The following GNA12 variants were observed in gnomAD, a reference collection of about 807,000 sequenced individuals.
The protein encoded by GNA12 is guanine nucleotide-binding protein subunit alpha-12.
A neutral mutation model predicts 26.0 loss-of-function variants in GNA12; 9 were observed. The observed-to-expected ratio is 0.35, with a 90% CI of 0.21 to 0.60. GNA12 has a LOEUF of 0.60. Among genes scored for constraint, GNA12 ranks in the 20% least tolerant of loss-of-function variants. The probability of loss-of-function intolerance (pLI) is 0.78; values close to 1 mark genes in which losing one functional copy is unlikely to be tolerated. For synonymous variants in GNA12, 264 were observed against 219.6 expected, an observed-to-expected ratio of 1.20 and a Z score of -1.79; for missense variants, 405 against 525.8, an observed-to-expected ratio of 0.77 and a Z score of 2.25.
At chr7:2,839,211 C>T (rs1778920735) in intron 1 of GNA12, among the ~76,000 whole-genome samples, 1 of 151,958 alleles carries the variant, frequency 6.6e-6, no homozygotes, top group African/African-American at 2.4e-5. Flanking sequence ...AACCAGAAAT[C>T]AACAAAAGAG....
intron 1 of GNA12, among the ~76,000 whole-genome samples, chr7:2,796,736 G>T (rs76247096): frequency 0.013 from 1,921 of 152,192 alleles, 44 homozygotes; most frequent in African/African-American, 0.043. Context: ...AGTTAATGTT[G>T]TTCTGCCCCT....
At chr7:2,838,707 G>A (rs1284894345) in intron 1 of GNA12, among the ~76,000 whole-genome samples, 3 of 151,922 alleles carry the variant, frequency 2.0e-5, no homozygotes. Context: ...AAAGAATGGA[G>A]AAATATATAT....
chr7:2,792,506 G>A (rs1273460483), intron 2 of GNA12, among the ~76,000 whole-genome samples: 2 of 152,168 alleles, frequency 1.3e-5, no homozygotes, highest in East Asian at 1.9e-4. Context: ...CACTCAGTAC[G>A]ATCAGCCCCA....
chr7:2,835,982 CA>C, intron 1 of GNA12: 1 of 457,156 alleles, frequency 2.2e-6, no homozygotes, highest in African/African-American at 2.0e-5. Context: ...CAGTTGTATG[CA>C]AAATTTGGGA....
chr7:2,819,828 G>A (rs996573652), intron 1 of GNA12, among the ~76,000 whole-genome samples: 8 of 152,128 alleles, frequency 5.3e-5, no homozygotes, highest in African/African-American at 1.9e-4. Flanking sequence ...CGGGTAGCTC[G>A]TCAAAATGTT....
At chr7:2,835,143 A>C (rs1160957909) in intron 1 of GNA12, among the ~76,000 whole-genome samples, 1 of 152,214 alleles carries the variant, frequency 6.6e-6, no homozygotes, top group Non-Finnish European at 1.5e-5. Flanking sequence ...GAAATTTAGT[A>C]ATGAAAACGC....
intron 2 of GNA12, among the ~76,000 whole-genome samples, chr7:2,744,007 A>G (rs1386633596): frequency 6.6e-6 from 1 of 152,172 alleles, no homozygotes; most frequent in Non-Finnish European, 1.5e-5. Context: ...TGATTAGGTA[A>G]ACAAAGCAGC....
intron 2 of GNA12, among the ~76,000 whole-genome samples, chr7:2,772,645 C>CCA (rs1791977932): frequency 6.6e-6 from 1 of 151,990 alleles, no homozygotes; most frequent in African/African-American, 2.4e-5. Context: ...CAATTGATAC[C>CCA]CACCAGGAGG....
chr7:2,783,061 C>T (rs111478895), intron 2 of GNA12, among the ~76,000 whole-genome samples: 151 of 152,276 alleles, frequency 9.9e-4, no homozygotes, highest in African/African-American at 3.4e-3. Context: ...AGACCGGTGT[C>T]GGAGTCCAAT....
intron 2 of GNA12, among the ~76,000 whole-genome samples, chr7:2,764,066 G>A (rs1258868392): frequency 6.6e-6 from 1 of 151,996 alleles, no homozygotes; most frequent in Non-Finnish European, 1.5e-5. Flanking sequence ...GATTGGTTGA[G>A]TATTTTTTAT....
intron 1 of GNA12, among the ~76,000 whole-genome samples, chr7:2,833,826 C>T (rs756148418): frequency 4.6e-5 from 7 of 152,164 alleles, no homozygotes; most frequent in Non-Finnish European, 1.0e-4. Context: ...CACTTCTGAA[C>T]TCCCAAGACA....
At chr7:2,762,712 A>G in intron 2 of GNA12, 1 of 1,564,642 alleles carries the variant, frequency 6.4e-7, no homozygotes, top group Non-Finnish European at 8.6e-7. Flanking sequence ...GGAGCGCCAG[A>G]GGGAAGCAGG....
intron 2 of GNA12, among the ~76,000 whole-genome samples, chr7:2,734,135 G>A (rs981704589): frequency 6.6e-6 from 1 of 152,132 alleles, no homozygotes; most frequent in African/African-American, 2.4e-5. Context: ...AATCTGAGAC[G>A]TGTTCCATAG....
intron 2 of GNA12, among the ~76,000 whole-genome samples, chr7:2,740,720 A>C (rs1790455957): frequency 6.6e-6 from 1 of 152,202 alleles, no homozygotes; most frequent in African/African-American, 2.4e-5. Flanking sequence ...AAGATGTTTA[A>C]TAGTTCAAAT....
chr7:2,773,027 G>A (rs1052528564), intron 2 of GNA12, among the ~76,000 whole-genome samples: 1 of 152,186 alleles, frequency 6.6e-6, no homozygotes, highest in Non-Finnish European at 1.5e-5. Context: ...CCAGCTAAAC[G>A]ATTCCATTTA....
At chr7:2,758,857 G>T (rs957942700) in intron 2 of GNA12, among the ~76,000 whole-genome samples, 26 of 152,136 alleles carry the variant, frequency 1.7e-4, no homozygotes, top group African/African-American at 5.8e-4. Context: ...CAACATGATG[G>T]GTCTCTGCTG....
chr7:2,736,287 C>A (rs1790171550), intron 2 of GNA12, among the ~76,000 whole-genome samples: 1 of 152,190 alleles, frequency 6.6e-6, no homozygotes, highest in South Asian at 2.1e-4. Flanking sequence ...GATCTAGAAA[C>A]ACGAGTGGAT....
intron 1 of GNA12, among the ~76,000 whole-genome samples, chr7:2,818,305 C>T (rs929363616): frequency 1.1e-4 from 16 of 152,222 alleles, no homozygotes; most frequent in Non-Finnish European, 2.1e-4. Context: ...CAGTCAGCAG[C>T]ATCTCCAACC....
intron 1 of GNA12, among the ~76,000 whole-genome samples, chr7:2,800,678 G>C (rs1047213251): frequency 1.2e-4 from 19 of 152,234 alleles, no homozygotes; most frequent in Non-Finnish European, 2.9e-5. Flanking sequence ...AGAGATAGTA[G>C]GGAAGGGAGG....
Sources: gnomAD v4.1 joint callset for allele counts (sites outside exome capture counted in the v4.1 genomes callset) on GRCh38, gnomAD v4.1.1 for gene constraint, MANE v1.5 for transcripts, NCBI Gene and HGNC (gene_info 2026-07-23, HGNC 2026-07-21) for gene names.